MGST1: variants seen among roughly 807,000 people sequenced by gnomAD.
MGST1 encodes the protein glutathione S-transferase 12.
In MGST1, 5 loss-of-function variants were observed where a neutral mutation model predicts 8.9. That is an observed-to-expected ratio of 0.56 (90% CI 0.29 to 1.19). MGST1 has a LOEUF of 1.19. MGST1 is among the 50% of genes most tolerant of loss of function. The pLI is 0.08. For missense variants in MGST1, 182 were observed against 187.4 expected (o/e 0.97, Z 0.17); for synonymous variants, 54 against 67.8 (o/e 0.80, Z 1.00).
intron 1 of MGST1, among the ~76,000 whole-genome samples, chr12:16,428,675 T>C (rs963551282): frequency 6.6e-6 from 1 of 152,034 alleles, no homozygotes; most frequent in African/African-American, 2.4e-5. Flanking sequence ...TGTCATTTAG[T>C]ATTATTGGTT....
intron 1 of MGST1, among the ~76,000 whole-genome samples, chr12:16,388,781 TA>T (rs1208086286): frequency 6.6e-6 from 1 of 152,182 alleles, no homozygotes; most frequent in African/African-American, 2.4e-5. Context: ...AAATTAAAAC[TA>T]ATGGACCTCG....
intron 4 of MGST1, among the ~76,000 whole-genome samples, chr12:16,588,568 G>T (rs1943395588): frequency 6.6e-6 from 1 of 152,024 alleles, no homozygotes; most frequent in South Asian, 2.1e-4. Flanking sequence ...AAAGGAAATA[G>T]AATTTTCAGT....
chr12:16,492,895 G>GA (rs1215728542), intron 4 of MGST1, among the ~76,000 whole-genome samples: 2 of 152,136 alleles, frequency 1.3e-5, no homozygotes, highest in African/African-American at 4.8e-5. Context: ...CTCTAAAAGA[G>GA]AGAATTGAAA....
intron 4 of MGST1, among the ~76,000 whole-genome samples, chr12:16,521,965 C>T (rs1941650736): frequency 6.6e-6 from 1 of 151,638 alleles, no homozygotes; most frequent in Non-Finnish European, 1.5e-5. Context: ...AAAAAAATAA[C>T]TTTCATATGT....
chr12:16,470,000 C>T (rs1371566060), intron 4 of MGST1, among the ~76,000 whole-genome samples: 1 of 152,088 alleles, frequency 6.6e-6, no homozygotes, highest in Non-Finnish European at 1.5e-5. Context: ...CCTAAGTATT[C>T]ACTGAGGGTT....
At chr12:16,365,049 G>C (rs9332950), downstream of MGST1, among the ~76,000 whole-genome samples, 15,297 of 152,084 alleles carry the variant, frequency 0.1, 810 homozygotes, top group East Asian at 0.16. Context: ...ATATCAGTTT[G>C]CCCTGTTATT....
intron 1 of MGST1, among the ~76,000 whole-genome samples, chr12:16,426,906 G>A (rs1940895148): frequency 6.8e-6 from 1 of 146,554 alleles, no homozygotes; most frequent in African/African-American, 2.5e-5. Flanking sequence ...AGGAGGCCGA[G>A]CTTGCAGTGA....
At chr12:16,467,721 G>A (rs908706847) in intron 4 of MGST1, among the ~76,000 whole-genome samples, 2 of 152,074 alleles carry the variant, frequency 1.3e-5, no homozygotes, top group African/African-American at 2.4e-5. Flanking sequence ...GCACTTTTCC[G>A]GAGTATCCAC....
rs117401956 is a variant in MGST1, at chr12:16,486,140, C to A, written n.482+102536C>A. On this transcript the variant is annotated intron_variant and non_coding_transcript_variant, in intron 4 of 4. Transcript: ENST00000538857. The stretch of plus-strand genomic sequence containing the variant: ...TGAGGCCTTTCCTGATCCTCTGATA[C>A]AAAATTACATCCCTATTCCCACACT... 2.1e-3 allele frequency among the ~76,000 whole-genome samples: 327 copies of A among 152,280 alleles called. 4 individuals are homozygous for A. Among genetic ancestry groups the A allele is most frequent in the East Asian group, 0.016 (82 of 5,182 alleles).
At chr12:16,515,146 GA>G (rs1383497448) in intron 4 of MGST1, among the ~76,000 whole-genome samples, 1 of 152,128 alleles carries the variant, frequency 6.6e-6, no homozygotes, top group Non-Finnish European at 1.5e-5. Context: ...CCATATTGCA[GA>G]AATTTATGTT....
chr12:16,523,149 A>G (rs1412788039), intron 4 of MGST1, among the ~76,000 whole-genome samples: 3 of 152,078 alleles, frequency 2.0e-5, no homozygotes, highest in Non-Finnish European at 4.4e-5. Flanking sequence ...AGTTCTATCA[A>G]TTCAGTAAAT....
chr12:16,427,858 T>G (rs143557076), intron 1 of MGST1, among the ~76,000 whole-genome samples: 239 of 152,292 alleles, frequency 1.6e-3, no homozygotes, highest in African/African-American at 5.5e-3. Flanking sequence ...ATATTGGATC[T>G]TTTAAGCTAT....
At chr12:16,486,089 A>C (rs1273888030) in intron 4 of MGST1, among the ~76,000 whole-genome samples, 1 of 152,176 alleles carries the variant, frequency 6.6e-6, no homozygotes, top group Non-Finnish European at 1.5e-5. Flanking sequence ...GCTCTTATTC[A>C]GGCCTTTGCC....
intron 1 of MGST1, among the ~76,000 whole-genome samples, chr12:16,383,999 C>A (rs190452675): frequency 1.3e-5 from 2 of 152,142 alleles, no homozygotes; most frequent in Admixed American, 6.5e-5. Flanking sequence ...ATTTTCTATT[C>A]AAGAAGCCCA....
intron 4 of MGST1, among the ~76,000 whole-genome samples, chr12:16,471,501 T>C (rs765442407): frequency 1.3e-5 from 2 of 152,248 alleles, no homozygotes; most frequent in Non-Finnish European, 2.9e-5. Flanking sequence ...GGAAATACTC[T>C]TATGGGACTA....
Position 16,582,706 on chromosome 12 carries a change from G to A in MGST1, n.483-6822G>A, listed in dbSNP as rs1329285087. ...CAACAAGATCACCGTTCCTAGGTAC[G>A]GTCCCTCACTCTTTTAAGTATCTGA... is the stretch of plus-strand genomic sequence containing the variant. On this transcript the variant is annotated intron_variant and non_coding_transcript_variant, in intron 4 of 4. Transcript: ENST00000538857. The surrounding 1 kb of genome is among the most constrained non-coding windows in gnomAD (Gnocchi z 4.1). Among the ~76,000 whole-genome samples, 1 of 152,056 alleles carries A rather than the reference G, an allele frequency of 6.6e-6. No individual in the cohort carries two copies. The highest frequency in any genetic ancestry group is 1.5e-5 in the Non-Finnish European group (1 of 68,024).
intron 4 of MGST1, among the ~76,000 whole-genome samples, chr12:16,562,546 C>CATTGATCAT: frequency 6.6e-6 from 1 of 152,318 alleles, no homozygotes; most frequent in South Asian, 2.1e-4. Flanking sequence ...CCACACAAAC[C>CATTGATCAT]ATTGATCATC....
intron 4 of MGST1, among the ~76,000 whole-genome samples, chr12:16,511,451 A>T (rs948687119): frequency 2.6e-5 from 4 of 152,170 alleles, no homozygotes; most frequent in African/African-American, 9.7e-5. Flanking sequence ...GCTTTCAAGG[A>T]TCTAAATTTG....
In MGST1 at chr12:16,458,526, CT is replaced by C. The variant is rs1256084396; in HGVS notation, n.482+74925del. 6.6e-5 allele frequency among the ~76,000 whole-genome samples: 10 copies of C among 152,038 alleles called. No homozygotes were observed. The highest frequency in any genetic ancestry group is 3.3e-4 in the Admixed American group (5 of 15,244). On this transcript the variant is annotated intron_variant and non_coding_transcript_variant, in intron 4 of 4. Coordinates refer to the MGST1 transcript ENST00000538857. This position sits in a 1 kb window ranked among gnomAD's most constrained non-coding sequence, Gnocchi z 4.0. ...TTAACATACGATGCTATTGGTGAAA[CT>C]TTATTTAGGAAGGGTGTTAGTTCAC...
Sources: gnomAD v4.1 joint callset for allele counts (sites outside exome capture counted in the v4.1 genomes callset) on GRCh38, gnomAD v4.1.1 for gene constraint, Gnocchi (gnomAD v3.1) non-coding constraint, MANE v1.5 for transcripts, NCBI Gene and HGNC (gene_info 2026-07-23, HGNC 2026-07-21) for gene names.